SPTA1: variants seen among roughly 807,000 people sequenced by gnomAD.
SPTA1 encodes spectrin alpha, erythrocytic 1, also known as spectrin alpha chain, erythrocytic 1.
Under a neutral mutation model 324.7 loss-of-function variants are expected in SPTA1, and 177 were observed. The observed-to-expected ratio is 0.55, with a 90% CI of 0.48 to 0.62. The LOEUF is 0.62. SPTA1 is among the 20% of genes least tolerant of loss of function. SPTA1 has a pLI of 0.00. For synonymous variants in SPTA1, 1,195 were observed against 1,041.3 expected (o/e 1.15, Z -2.84); for missense variants, 3,162 against 2,883.6 (o/e 1.10, Z -2.21).
intron 7 of SPTA1, among the ~76,000 whole-genome samples, chr1:158,677,192 G>A (rs144072845): frequency 4.6e-5 from 7 of 152,208 alleles, no homozygotes; most frequent in Non-Finnish European, 1.0e-4. Flanking sequence ...TGTGCCTGAG[G>A]TTTTCCAGGT....
intron 16 of SPTA1, 123 bp from the exon 17 acceptor site, chr1:158,663,068 C>T: frequency 7.4e-7 from 1 of 1,354,314 alleles, no homozygotes; most frequent in Non-Finnish European, 1.0e-6. Context: ...GTTCTGATCT[C>T]TAATTAAATC....
At chr1:158,685,019 T>C in intron 2 of SPTA1, 89 bp downstream of exon 2, 1 of 1,477,898 alleles carries the variant, frequency 6.8e-7, no homozygotes, top group Non-Finnish European at 9.4e-7. Context: ...TACCCACACA[T>C]ACCCATTAAC....
At chr1:158,678,755 C>T (rs1654586234) in intron 5 of SPTA1, among the ~76,000 whole-genome samples, 1 of 152,072 alleles carries the variant, frequency 6.6e-6, no homozygotes, top group South Asian at 2.1e-4. Context: ...CATCTGTGCC[C>T]ACAGCAGTGG....
intron 42 of SPTA1, among the ~76,000 whole-genome samples, chr1:158,625,361 C>T (rs969244726): frequency 9.2e-5 from 14 of 152,140 alleles, no homozygotes; most frequent in Non-Finnish European, 1.9e-4. Flanking sequence ...ATCTTTTAGC[C>T]TATCCTCAAA....
chr1:158,640,628 C>T (rs1651484331), intron 33 of SPTA1, among the ~76,000 whole-genome samples: 1 of 152,072 alleles, frequency 6.6e-6, no homozygotes, highest in African/African-American at 2.4e-5. Flanking sequence ...TGAAGGACCT[C>T]TTCAAGGAGA....
At chr1:158,647,315 A>G (rs929102505) in intron 27 of SPTA1, among the ~76,000 whole-genome samples, 4 of 152,208 alleles carry the variant, frequency 2.6e-5, no homozygotes, top group African/African-American at 7.2e-5. Flanking sequence ...AAAAGCTTCT[A>G]CATTATAGAA....
rs1474343971 is a variant in SPTA1 at position 158,669,580 on chromosome 1, T to A, written c.1678-17A>T. The A allele has an allele frequency of 1.2e-6, 2 of 1,614,076 alleles. No individual in the cohort carries two copies. Among genetic ancestry groups the A allele is most frequent in the African/African-American group, 1.3e-5 (1 of 75,026 alleles). The stretch of plus-strand genomic sequence containing the variant: ...GGCTAACAGCTGCAAAAACCATGAG[T>A]AAACTTACTGTCAGCACAACCAAAT... On this transcript the variant is annotated splice_polypyrimidine_tract_variant and intron_variant, in intron 13 of 51. Coordinates refer to ENST00000643759, the MANE Select transcript of SPTA1 (RefSeq NM_003126.4).
Position 158,614,324 on chromosome 1 carries a change from A to C in SPTA1, c.6789-18T>G. On this transcript the variant is annotated intron_variant, in intron 48 of 51. Transcript: ENST00000643759. ...TGATGTCCCTGAAAGAAAAAAAAAA[A>C]ACATGAATTTTCCCTGTATATGAAA... is the stretch of plus-strand genomic sequence containing the variant. The C allele has an allele frequency of 6.4e-7, 1 of 1,571,886 alleles. No individual in the cohort carries two copies. Among genetic ancestry groups the C allele is most frequent in the Middle Eastern group, 1.7e-4 (1 of 5,908 alleles).
intron 42 of SPTA1, among the ~76,000 whole-genome samples, chr1:158,624,355 C>T (rs952545592): frequency 2.6e-5 from 4 of 152,108 alleles, no homozygotes; most frequent in African/African-American, 9.7e-5. Context: ...GAGGCTGTAC[C>T]CTGCAAAGCC....
At position 158,653,207 on chromosome 1, in the gene SPTA1, G is replaced by A; in HGVS notation, c.3188+67C>T. 1.9e-6 allele frequency: 3 copies of A among 1,609,922 alleles called. 1 individual carries two copies. The South Asian group carries it at 3.3e-5, about 18-fold the overall frequency. ...AAATCTAACAGATGCAGGGTCATGAGAAGAAATGCCTTTGGCGAAAAATGT... is the reference window on the plus strand; with the variant it reads ...AAATCTAACAGATGCAGGGTCATGAAAAGAAATGCCTTTGGCGAAAAATGT... On this transcript the variant is annotated intron_variant, in intron 22 of 51. Transcript: ENST00000643759.
At chr1:158,655,196 T>G (rs1652743947) in intron 20 of SPTA1, among the ~76,000 whole-genome samples, 1 of 152,152 alleles carries the variant, frequency 6.6e-6, no homozygotes, top group Non-Finnish European at 1.5e-5. Context: ...GGCCTTTAAG[T>G]TACTATGTCA....
chr1:158,657,262 T>C (rs1393277943), intron 19 of SPTA1, among the ~76,000 whole-genome samples: 1 of 152,220 alleles, frequency 6.6e-6, no homozygotes, highest in East Asian at 1.9e-4. Context: ...AAAGAGTATA[T>C]GAATCTCCAT....
chr1:158,620,552 T>C, intron 43 of SPTA1, 86 bp from the exon 44 acceptor site: 1 of 1,517,480 alleles, frequency 6.6e-7, no homozygotes, highest in Non-Finnish European at 9.0e-7. Flanking sequence ...ATAATGCCTG[T>C]CTTTAAATAT....
intron 23 of SPTA1, 121 bp downstream of exon 23, chr1:158,652,346 T>C (rs995593687): frequency 9.2e-5 from 104 of 1,136,358 alleles, no homozygotes; most frequent in Non-Finnish European, 9.8e-5. Context: ...AGCCACAGAG[T>C]TGCCAATAGC....
chr1:158,667,218 T>C (rs1008332310), intron 15 of SPTA1, among the ~76,000 whole-genome samples: 1 of 152,186 alleles, frequency 6.6e-6, no homozygotes, highest in Admixed American at 6.5e-5. Context: ...GTTATGTTTA[T>C]AGATGATGTT....
chr1:158,616,371 T>C (rs1649557889), intron 47 of SPTA1, among the ~76,000 whole-genome samples: 1 of 152,168 alleles, frequency 6.6e-6, no homozygotes, highest in Admixed American at 6.5e-5. Flanking sequence ...TGTATATTTA[T>C]ACCCAATAAT....
rs200825021 is a variant in SPTA1 at position 158,653,396 on chromosome 1, A to G, written c.3066T>C (p.His1022=). Residue 1022 remains histidine, a synonymous_variant, in exon 22 of 52, where the codon CAT becomes CAC. Coordinates refer to ENST00000643759, the MANE Select transcript of SPTA1 (RefSeq NM_003126.4). ...CATAGACAGCTGGGACAATGCCCTG[A>G]TGATCAGCAGCTTCCACCTTCCACC... ...KDWWKVEAAD[H]QGIVPAVYVR... The G allele has an allele frequency of 1.1e-4, 178 of 1,614,076 alleles. No homozygotes were observed. Among genetic ancestry groups the G allele is most frequent in the Middle Eastern group, 3.3e-4 (2 of 6,060 alleles).
rs1029271609 is a variant in SPTA1, at chr1:158,614,270, T to A, written c.6825A>T (p.Glu2275Asp). 1.2e-5 allele frequency: 19 copies of A among 1,597,968 alleles called. No homozygotes were observed. The highest frequency in any genetic ancestry group is 1.5e-5 in the Non-Finnish European group (18 of 1,165,962). The change falls in exon 49 of 52, where the codon GAA becomes GAT. Residue 2275 changes from glutamate to aspartate, a missense_variant. Transcript: ENST00000643759. ...ATACTCACTTATAGATTGTGCTAAA[T>A]TCCTTTAGAGTCTCTTCACTCACAC... Reference protein sequence around the residue: ...IKGVSEETLKEFSTIYKHFDE... With the variant: ...IKGVSEETLKDFSTIYKHFDE...
intron 37 of SPTA1, among the ~76,000 whole-genome samples, 153 bp from the exon 38 acceptor site, chr1:158,636,187 A>T (rs1279537237): frequency 6.6e-6 from 1 of 152,244 alleles, no homozygotes; most frequent in Admixed American, 6.5e-5. Context: ...AGGGAGAATG[A>T]TGAAAGCTGC....
Sources: allele counts gnomAD v4.1 joint callset (sites outside exome capture counted in the v4.1 genomes callset), GRCh38; gene constraint gnomAD v4.1.1; transcripts MANE v1.5; gene names NCBI Gene and HGNC (gene_info 2026-07-23, HGNC 2026-07-21).